Variants in HDAC9 observed in about 807,000 individuals in gnomAD.
HDAC9 encodes MEF-2 interacting transcription repressor (MITR) protein.
A neutral mutation model predicts 139.4 loss-of-function variants in HDAC9; 41 were observed. The observed-to-expected ratio is 0.29, with a 90% CI of 0.23 to 0.38. The LOEUF is 0.38. Ranked by LOEUF, HDAC9 falls within the 10% of genes least tolerant of loss-of-function variation. HDAC9 has a pLI of 1.00. For synonymous variants in HDAC9, 517 were observed against 476.2 expected (o/e 1.09, Z -1.12); for missense variants, 1,147 against 1,297.0 (o/e 0.88, Z 1.78).
intron 1 of HDAC9, among the ~76,000 whole-genome samples, chr7:18,478,165 G>C (rs1024570019): frequency 6.6e-6 from 1 of 151,794 alleles, no homozygotes; most frequent in Non-Finnish European, 1.5e-5. Flanking sequence ...TCCGCCTCCC[G>C]GGTTCACGCC....
chr7:18,471,737 G>T (rs536347507), intron 1 of HDAC9, among the ~76,000 whole-genome samples: 6 of 152,272 alleles, frequency 3.9e-5, no homozygotes, highest in African/African-American at 1.4e-4. Flanking sequence ...CCAGCTAAGG[G>T]CAAGTGCCTG....
At chr7:18,727,833 T>C in intron 13 of HDAC9, 76 bp downstream of exon 13, 5 of 1,142,414 alleles carry the variant, frequency 4.4e-6, no homozygotes. Flanking sequence ...ATTTAAATGC[T>C]CTGAATAACT....
At chr7:18,119,075 A>G (rs1229105390) in intron 1 of HDAC9, among the ~76,000 whole-genome samples, 2 of 152,144 alleles carry the variant, frequency 1.3e-5, no homozygotes. Context: ...CAAAAATTGG[A>G]TGTTTCCTGT....
chr7:18,425,757 C>T (rs888938800), intron 1 of HDAC9, among the ~76,000 whole-genome samples: 2 of 152,174 alleles, frequency 1.3e-5, no homozygotes, highest in African/African-American at 2.4e-5. Flanking sequence ...TAGCAGGCTT[C>T]GTGCAAGGTT....
In HDAC9 at chr7:18,793,134, A is replaced by G. The variant is rs987724944; in HGVS notation, c.2215-211A>G. 39 of 545,654 alleles carry G rather than the reference A, an allele frequency of 7.1e-5. No individual in the cohort carries two copies. The East Asian group carries it at 1.1e-3, about 16-fold the overall frequency. 33.8% of individuals were successfully genotyped at this position (545,654 alleles called of 1,614,324 possible). A position where few individuals can be genotyped will look rare whatever the true frequency, so the allele number is the denominator to read the frequency against. ...GTCAGTGTAGAGAAAAAGTATAAGC[A>G]AAGCCATGTCCAGAAGGCCTTTTCA... On this transcript the variant is annotated intron_variant, in intron 16 of 25. Coordinates refer to ENST00000686413, the MANE Select transcript of HDAC9 (RefSeq NM_178425.4).
At chr7:18,230,467 A>C (rs190304468) in intron 2 of HDAC9, among the ~76,000 whole-genome samples, 1 of 152,290 alleles carries the variant, frequency 6.6e-6, no homozygotes, top group Admixed American at 6.5e-5. Flanking sequence ...GTGAATTGCA[A>C]AGAAAAATTC....
At chr7:18,125,513 T>A (rs1784609397) in intron 1 of HDAC9, among the ~76,000 whole-genome samples, 1 of 151,948 alleles carries the variant, frequency 6.6e-6, no homozygotes. Context: ...GTTTCTTAAG[T>A]GATGATAAAA....
chr7:18,795,118 A>G (rs1792668472), intron 17 of HDAC9, among the ~76,000 whole-genome samples: 1 of 152,272 alleles, frequency 6.6e-6, no homozygotes, highest in South Asian at 2.1e-4. Context: ...CAATGTGTCA[A>G]CAACACATAG....
chr7:18,730,486 A>G (rs1340581152), intron 13 of HDAC9, among the ~76,000 whole-genome samples: 1 of 152,122 alleles, frequency 6.6e-6, no homozygotes, highest in Non-Finnish European at 1.5e-5. Context: ...ACATTCACCT[A>G]TGTTCTTTAG....
chr7:18,628,899 C>A (rs905942045), intron 6 of HDAC9, among the ~76,000 whole-genome samples: 5 of 152,112 alleles, frequency 3.3e-5, no homozygotes, highest in African/African-American at 1.2e-4. Flanking sequence ...GAGGTGTCTT[C>A]TTATTACCAC....
chr7:18,710,461 C>A (rs1213990523), intron 12 of HDAC9, among the ~76,000 whole-genome samples: 2 of 152,150 alleles, frequency 1.3e-5, no homozygotes, highest in East Asian at 3.8e-4. Flanking sequence ...TACACACATG[C>A]ACACATATAC....
At chr7:18,815,280 A>C (rs931783111) in intron 17 of HDAC9, among the ~76,000 whole-genome samples, 1 of 151,992 alleles carries the variant, frequency 6.6e-6, no homozygotes, top group African/African-American at 2.4e-5. Flanking sequence ...TTTTTGATCA[A>C]TGTGATCCAA....
At chr7:18,524,396 T>G (rs894321848) in intron 2 of HDAC9, among the ~76,000 whole-genome samples, 2 of 152,146 alleles carry the variant, frequency 1.3e-5, no homozygotes, top group African/African-American at 4.8e-5. Flanking sequence ...GGAGTGAAAT[T>G]GCTTCAGCCA....
chr7:18,494,258 G>C (rs189927491), upstream of HDAC9, among the ~76,000 whole-genome samples: 253 of 152,118 alleles, frequency 1.7e-3, 2 homozygotes, highest in Admixed American at 4.0e-3. Flanking sequence ...ATCTGTGAAA[G>C]AAGAGGAATT....
chr7:18,254,423 A>AT lies in HDAC9; in HGVS notation c.25+92075dup, dbSNP rs541004978. ...TGCTTGCTTTGAAGCAAACAATTAT[A>AT]TATATGAGGGTGTTTGTGAAATATT... is the stretch of plus-strand genomic sequence containing the variant. On this transcript the variant is annotated intron_variant, in intron 2 of 12. Coordinates refer to the HDAC9 transcript ENST00000417496. Among the ~76,000 whole-genome samples the AT allele has an allele frequency of 4.4e-3, 664 of 152,302 alleles. 3 individuals are homozygous for AT. Among genetic ancestry groups the AT allele is most frequent in the African/African-American group, 0.015 (642 of 41,570 alleles).
At chr7:18,495,073 A>G (rs1046440530), upstream of HDAC9, among the ~76,000 whole-genome samples, 1 of 152,102 alleles carries the variant, frequency 6.6e-6, no homozygotes, top group Non-Finnish European at 1.5e-5. Flanking sequence ...CAAGTAAAAA[A>G]TCAAGCCTGT....
chr7:18,609,662 G>C (rs1836540126), intron 6 of HDAC9, among the ~76,000 whole-genome samples: 1 of 152,032 alleles, frequency 6.6e-6, no homozygotes, highest in Non-Finnish European at 1.5e-5. Context: ...TTAAGTTGTA[G>C]GGTACATGTG....
intron 6 of HDAC9, among the ~76,000 whole-genome samples, chr7:18,617,069 C>G (rs73309467): frequency 1.3e-5 from 2 of 152,212 alleles, no homozygotes; most frequent in South Asian, 2.1e-4. Context: ...TTATTTCATC[C>G]AGTACTAACT....
chr7:18,530,159 G>A (rs1344332018), intron 2 of HDAC9, among the ~76,000 whole-genome samples: 1 of 152,026 alleles, frequency 6.6e-6, no homozygotes, highest in African/African-American at 2.4e-5. Flanking sequence ...AGGCATGGTG[G>A]CACATGGGAG....
Sources: gnomAD v4.1 joint callset for allele counts (sites outside exome capture counted in the v4.1 genomes callset) on GRCh38, gnomAD v4.1.1 for gene constraint, MANE v1.5 for transcripts, NCBI Gene and HGNC (gene_info 2026-07-23, HGNC 2026-07-21) for gene names.